The following MYLIP variants were observed in gnomAD, a reference collection of about 807,000 sequenced individuals.
The protein encoded by MYLIP is myosin regulatory light chain interacting protein.
In MYLIP, 26 loss-of-function variants were observed where a neutral mutation model predicts 45.8. The observed-to-expected ratio is 0.57, with a 90% CI of 0.42 to 0.79. The LOEUF (loss-of-function observed/expected upper bound fraction) is 0.79, where lower values mean the gene tolerates loss of function less well. MYLIP is among the 30% of genes least tolerant of loss of function. MYLIP has a pLI of 0.00. For missense variants in MYLIP, 494 were observed against 555.6 expected (o/e 0.89, Z 1.11); for synonymous variants, 213 against 218.1 (o/e 0.98, Z 0.21).
the MYLIP span, among the ~76,000 whole-genome samples, chr6:16,157,299 C>T: frequency 1.3e-5 from 2 of 152,194 alleles, no homozygotes; most frequent in African/African-American, 4.8e-5. Flanking sequence ...TTTCTTCCTC[C>T]ATTGTAATAC....
chr6:16,152,423 A>T (rs1172761324), downstream of MYLIP, among the ~76,000 whole-genome samples: 2 of 152,144 alleles, frequency 1.3e-5, no homozygotes, highest in East Asian at 3.9e-4. Context: ...ATGTCTGGAG[A>T]TGTTCTTCAA....
intron 2 of MYLIP, among the ~76,000 whole-genome samples, chr6:16,132,673 A>T (rs1398169623): frequency 6.6e-6 from 1 of 152,206 alleles, no homozygotes; most frequent in African/African-American, 2.4e-5. Context: ...CTTAATTAGG[A>T]CATCAGAAGC....
the MYLIP span, among the ~76,000 whole-genome samples, chr6:16,153,944 G>A: frequency 6.6e-6 from 1 of 152,124 alleles, no homozygotes; most frequent in African/African-American, 2.4e-5. Context: ...TACTGGAAAA[G>A]GAAACTATTA....
the MYLIP span, among the ~76,000 whole-genome samples, chr6:16,162,980 G>A: frequency 3.9e-5 from 6 of 151,964 alleles, no homozygotes; most frequent in Non-Finnish European, 7.4e-5. Flanking sequence ...CATTGTGTGA[G>A]GATGTAATGC....
At position 16,146,885 on chromosome 6, in the gene MYLIP, AG is replaced by A; in HGVS notation, c.*135del. Reference sequence around the variant, plus strand: ...GCGATGTTAAAAAAAAAAAAAAGGAAGAAAAATAACACAGCTACTCCTCACT... The same window carrying A: ...GCGATGTTAAAAAAAAAAAAAAGGAAAAAAATAACACAGCTACTCCTCACT... On this transcript the variant is annotated 3_prime_UTR_variant, in exon 7 of 7. Transcript: ENST00000356840. The A allele has an allele frequency of 2.6e-6, 2 of 764,300 alleles. No homozygotes were observed. The highest frequency in any genetic ancestry group is 4.1e-6 in the Non-Finnish European group (2 of 487,822). The allele number at this position is 764,300 out of a possible 1,614,324, so 47.3% of individuals were successfully genotyped here. A position where few individuals can be genotyped will look rare whatever the true frequency, so the allele number is the denominator to read the frequency against.
At chr6:16,162,463 A>T in the MYLIP span, among the ~76,000 whole-genome samples, 1 of 152,152 alleles carries the variant, frequency 6.6e-6, no homozygotes, top group South Asian at 2.1e-4. Flanking sequence ...TAATTATATA[A>T]ATACAGCTTC....
At chr6:16,150,652 C>T (rs936081050), downstream of MYLIP, among the ~76,000 whole-genome samples, 4 of 152,080 alleles carry the variant, frequency 2.6e-5, no homozygotes, top group Non-Finnish European at 5.9e-5. Flanking sequence ...AACGAAGATT[C>T]AGCTAAGGGG....
In MYLIP at chr6:16,137,203, A is replaced by G. The variant is rs186185246; in HGVS notation, c.279-4422A>G. On this transcript the variant is annotated intron_variant, in intron 2 of 6. Coordinates refer to ENST00000356840, the MANE Select transcript of MYLIP (RefSeq NM_013262.4). ...ACTGATTTGTGTTTTACTGAAATTA[A>G]AGATACAAAACAGAAAACTCTCATA... is the stretch of plus-strand genomic sequence containing the variant. Among the ~76,000 whole-genome samples the G allele has an allele frequency of 5.3e-5, 8 of 152,344 alleles. No homozygotes were observed. In the East Asian group the frequency reaches 9.6e-4, roughly 18 times the overall value.
downstream of MYLIP, among the ~76,000 whole-genome samples, chr6:16,151,846 T>G (rs1207017822): frequency 4.6e-5 from 7 of 152,188 alleles, no homozygotes; most frequent in Non-Finnish European, 8.8e-5. Flanking sequence ...CTTGCCATAG[T>G]GCTAAGGGCA....
chr6:16,143,217 G>C lies in MYLIP; in HGVS notation c.662G>C (p.Arg221Thr), dbSNP rs762202962. The C allele has an allele frequency of 1.1e-5, 17 of 1,614,014 alleles. No homozygotes were observed. In the South Asian group the frequency reaches 1.2e-4, roughly 11 times the overall value. ...AAAGATGACTTTAGCCCAATTAATA[G>C]GTAAGCCAAGACTTAACTTTTTTTG... ...ICKDDFSPIN[R>T]IAYPVVQMAT... The change falls in exon 4 of 7, where the codon AGG (arginine) becomes ACG (threonine). Residue 221 changes from arginine to threonine, a missense_variant and splice_region_variant. Arg to Thr is a moderately conservative substitution (Grantham distance 71, BLOSUM62 -1). Coordinates refer to ENST00000356840, the MANE Select transcript of MYLIP (RefSeq NM_013262.4).
At chr6:16,160,643 A>G in the MYLIP span, among the ~76,000 whole-genome samples, 4 of 152,160 alleles carry the variant, frequency 2.6e-5, no homozygotes, top group African/African-American at 4.8e-5. Flanking sequence ...CTCTACAAAA[A>G]ATACAAAAAT....
intron 2 of MYLIP, among the ~76,000 whole-genome samples, chr6:16,134,751 T>C (rs1265502278): frequency 6.6e-6 from 1 of 152,202 alleles, no homozygotes; most frequent in Non-Finnish European, 1.5e-5. Context: ...AGGCATGTGG[T>C]TATTTCCAAA....
intron 2 of MYLIP, among the ~76,000 whole-genome samples, chr6:16,139,737 T>C (rs925777458): frequency 2.0e-5 from 3 of 152,210 alleles, no homozygotes; most frequent in African/African-American, 7.2e-5. Flanking sequence ...CTTTCTCAGT[T>C]TAGCAGTATG....
the MYLIP span, chr6:16,161,290 G>C: frequency 1.1e-5 from 4 of 371,088 alleles, no homozygotes; most frequent in Admixed American, 1.1e-4. Flanking sequence ...CAAGCCTGCT[G>C]TCACATCTAT....
Position 16,129,493 on chromosome 6 carries a change from C to T in MYLIP, c.87+84C>T. On this transcript the variant is annotated intron_variant, in intron 1 of 6. Transcript: ENST00000356840. This position sits in a 1 kb window ranked among gnomAD's most constrained non-coding sequence, Gnocchi z 5.1. ...AGCGACGCCTGGCACTCTGGCGCGCCCCCTACTAGGGGCCGGGAGGCACTG... is the reference window on the plus strand; with the variant it reads ...AGCGACGCCTGGCACTCTGGCGCGCTCCCTACTAGGGGCCGGGAGGCACTG... 7.2e-7 allele frequency: 1 copy of T among 1,384,612 alleles called. No individual in the cohort carries two copies. The highest frequency in any genetic ancestry group is 1.2e-5 in the South Asian group (1 of 80,108). 85.8% of individuals were successfully genotyped at this position (1,384,612 alleles called of 1,614,324 possible). A position where few individuals can be genotyped will look rare whatever the true frequency, so the allele number is the denominator to read the frequency against.
At chr6:16,154,527 G>A in the MYLIP span, among the ~76,000 whole-genome samples, 9 of 152,142 alleles carry the variant, frequency 5.9e-5, no homozygotes, top group South Asian at 4.1e-4. Flanking sequence ...GGAGTCACAC[G>A]CAGGGCTCCA....
At chr6:16,148,986 T>G (rs73377736), downstream of MYLIP, among the ~76,000 whole-genome samples, 20,064 of 152,200 alleles carry the variant, frequency 0.13, 1,525 homozygotes, top group East Asian at 0.27. Context: ...TAAGTCAATC[T>G]TCCATCAATT....
chr6:16,140,633 A>G (rs150091029), intron 2 of MYLIP, among the ~76,000 whole-genome samples: 2,036 of 152,256 alleles, frequency 0.013, 44 homozygotes, highest in African/African-American at 0.046. Flanking sequence ...AGGGAGCAGC[A>G]AGACCAGAGA....
chr6:16,161,282 A>T, the MYLIP span: 1 of 372,968 alleles, frequency 2.7e-6, no homozygotes, highest in South Asian at 2.3e-5. Context: ...CTTCATGCCA[A>T]GCCTGCTGTC....
Sources: allele counts gnomAD v4.1 joint callset (sites outside exome capture counted in the v4.1 genomes callset), GRCh38; gene constraint gnomAD v4.1.1; non-coding constraint Gnocchi (gnomAD v3.1); transcripts MANE v1.5; gene names NCBI Gene and HGNC (gene_info 2026-07-23, HGNC 2026-07-21).